The following PLCE1 variants were observed in gnomAD, a reference collection of about 807,000 sequenced individuals.
PLCE1 encodes 1-phosphatidylinositol 4,5-bisphosphate phosphodiesterase epsilon-1.
In PLCE1, 119 loss-of-function variants were observed where a neutral mutation model predicts 242.8. The ratio of observed to expected loss-of-function variants is 0.49; its 90% CI spans 0.42 to 0.57. The LOEUF (loss-of-function observed/expected upper bound fraction) is 0.57, where lower values mean the gene tolerates loss of function less well. PLCE1 is among the 20% of genes least tolerant of loss of function. The pLI is 0.00. For missense variants in PLCE1, 2,441 were observed against 2,788.8 expected, an observed-to-expected ratio of 0.88 and a Z score of 2.81; for synonymous variants, 945 against 1,017.4, an observed-to-expected ratio of 0.93 and a Z score of 1.35.
intron 3 of PLCE1, among the ~76,000 whole-genome samples, chr10:94,141,528 AG>A (rs2046956242): frequency 7.6e-6 from 1 of 131,238 alleles, no homozygotes; most frequent in African/African-American, 2.8e-5. Context: ...GGGAAGGCTA[AG>A]GGAAGGTGAA....
intron 25 of PLCE1, among the ~76,000 whole-genome samples, chr10:94,305,531 G>GT (rs1231068103): frequency 1.3e-5 from 2 of 152,130 alleles, no homozygotes; most frequent in Admixed American, 6.5e-5. Context: ...AGCCCTCCAA[G>GT]TACGACACCC....
At chr10:94,071,497 T>TTTTTTC in intron 2 of PLCE1, among the ~76,000 whole-genome samples, 1 of 125,496 alleles carries the variant, frequency 8.0e-6, no homozygotes, top group Admixed American at 7.5e-5. Context: ...TGGTTTTCGT[T>TTTTTTC]TTTTTTTTTT....
intron 3 of PLCE1, among the ~76,000 whole-genome samples, chr10:94,161,800 G>C (rs1396676145): frequency 6.6e-6 from 1 of 151,998 alleles, no homozygotes; most frequent in Non-Finnish European, 1.5e-5. Context: ...GTTTGTCATA[G>C]ATAGCTCTTA....
intron 4 of PLCE1, among the ~76,000 whole-genome samples, chr10:94,184,470 C>A (rs1026794427): frequency 1.3e-5 from 2 of 152,180 alleles, no homozygotes; most frequent in Non-Finnish European, 2.9e-5. Context: ...GCTGGGATTA[C>A]AGGCACCTGC....
Position 94,322,007 on chromosome 10 carries a change from G to C in PLCE1, c.6449G>C (p.Arg2150Pro). Residue 2150 changes from arginine (R) to proline (P), a missense_variant, in exon 30 of 33, where the codon CGA becomes CCA. This residue lies in a region of PLCE1 where 310 missense variants were observed against 317.2 expected (regional missense o/e 0.98). Transcript: ENST00000371380. ...QVHDVSPEQP[R>P]TVIKAPRVST... ...CATGATGTTTCTCCAGAGCAACCTC[G>C]AACAGTCATCAAAGCACCCCGCGTC... is the stretch of plus-strand genomic sequence containing the variant. 11 of 1,614,012 alleles carry C rather than the reference G, an allele frequency of 6.8e-6. 1 individual carries two copies. The highest frequency in any genetic ancestry group is 9.3e-6 in the Non-Finnish European group (11 of 1,179,910).
At chr10:94,134,283 G>T (rs534760156) in intron 3 of PLCE1, among the ~76,000 whole-genome samples, 3 of 152,062 alleles carry the variant, frequency 2.0e-5, no homozygotes, top group Non-Finnish European at 2.9e-5. Context: ...ATTTTTAGTA[G>T]AGACGGGGTT....
intron 3 of PLCE1, among the ~76,000 whole-genome samples, chr10:94,154,971 A>C (rs1190245088): frequency 6.8e-6 from 1 of 148,076 alleles, no homozygotes. Flanking sequence ...GGGAAAAAAA[A>C]GTAAGAAAGA....
At chr10:94,118,486 C>A (rs2135736204) in intron 2 of PLCE1, among the ~76,000 whole-genome samples, 1 of 152,208 alleles carries the variant, frequency 6.6e-6, no homozygotes, top group East Asian at 1.9e-4. Context: ...TGGGAGGGAC[C>A]CAGTGGGGGA....
At chr10:94,310,651 A>G (rs964421977) in intron 27 of PLCE1, among the ~76,000 whole-genome samples, 1 of 152,166 alleles carries the variant, frequency 6.6e-6, no homozygotes, top group Non-Finnish European at 1.5e-5. Flanking sequence ...AGCAGGGCCA[A>G]ATACCCAATT....
At chr10:94,316,493 GATTT>G (rs1006381572) in intron 28 of PLCE1, 50 bp from the exon 29 acceptor site, 1 of 1,123,350 alleles carries the variant, frequency 8.9e-7, no homozygotes, top group Non-Finnish European at 1.4e-6. Flanking sequence ...CATGAAAGTT[GATTT>G]GTTTTAAGTT....
intron 24 of PLCE1, 39 bp from the exon 25 acceptor site, chr10:94,304,435 GACAAAGTA>G: frequency 6.4e-7 from 1 of 1,551,112 alleles, no homozygotes; most frequent in Non-Finnish European, 8.9e-7. Flanking sequence ...ATACTTAAGC[GACAAAGTA>G]ACAAGCTATA....
chr10:94,322,784 TAAAA>T (rs573064111), intron 30 of PLCE1, among the ~76,000 whole-genome samples: 2 of 139,974 alleles, frequency 1.4e-5, no homozygotes, highest in East Asian at 2.0e-4. Context: ...AAACTTCGTC[TAAAA>T]AAAAAAAAAG....
Position 94,000,908 on chromosome 10 carries a change from C to T in PLCE1, c.-365+6650C>T, listed in dbSNP as rs573691845. On this transcript the variant is annotated intron_variant, in intron 1 of 32. Transcript: ENST00000371380. ...ATTTTGTCTTTTCTCCCCTGACTACCAGCCAGTAGGAGTTGGAACGGGGGC... is the reference window on the plus strand; with the variant it reads ...ATTTTGTCTTTTCTCCCCTGACTACTAGCCAGTAGGAGTTGGAACGGGGGC... 1.6e-4 allele frequency among the ~76,000 whole-genome samples: 25 copies of T among 152,308 alleles called. 1 individual carries two copies. In the South Asian group the frequency reaches 5.0e-3, roughly 30 times the overall value.
chr10:94,007,702 T>TTC (rs1338023268), intron 1 of PLCE1, among the ~76,000 whole-genome samples: 2 of 139,132 alleles, frequency 1.4e-5, no homozygotes, highest in East Asian at 4.4e-4. Flanking sequence ...CTACTTTCTT[T>TTC]TTTTTTTTTT....
intron 2 of PLCE1, among the ~76,000 whole-genome samples, chr10:94,091,393 A>G (rs1221306214): frequency 6.6e-6 from 1 of 152,220 alleles, no homozygotes; most frequent in African/African-American, 2.4e-5. Context: ...TGTGCTTTTC[A>G]AACTTTCGTA....
chr10:94,092,069 TC>T (rs2045096700), intron 2 of PLCE1, among the ~76,000 whole-genome samples: 1 of 152,130 alleles, frequency 6.6e-6, no homozygotes. Context: ...AGATTAACGG[TC>T]TGATGCAAGG....
intron 2 of PLCE1, among the ~76,000 whole-genome samples, chr10:94,061,458 C>G (rs2044053543): frequency 1.3e-5 from 2 of 152,192 alleles, no homozygotes; most frequent in African/African-American, 4.8e-5. Flanking sequence ...TCCTTGATGG[C>G]TTTTCATTAA....
At chr10:94,175,342 T>C (rs989310317) in intron 4 of PLCE1, among the ~76,000 whole-genome samples, 1 of 151,366 alleles carries the variant, frequency 6.6e-6, no homozygotes, top group African/African-American at 2.4e-5. Context: ...TTATCCAGTT[T>C]CCCATTATCT....
chr10:94,293,056 G>C (rs1316354381), intron 22 of PLCE1, among the ~76,000 whole-genome samples: 1 of 152,154 alleles, frequency 6.6e-6, no homozygotes, highest in Non-Finnish European at 1.5e-5. Flanking sequence ...TGTAGATAAG[G>C]AAACTGAGGA....
Sources: allele counts gnomAD v4.1 joint callset (sites outside exome capture counted in the v4.1 genomes callset), GRCh38; gene constraint gnomAD v4.1.1; regional missense constraint gnomAD v4.1.1; transcripts MANE v1.5; gene names NCBI Gene and HGNC (gene_info 2026-07-23, HGNC 2026-07-21).